PPHLN1: variants seen among roughly 807,000 people sequenced by gnomAD.
PPHLN1 encodes the protein periphilin 1, also known as periphilin-1.
In PPHLN1, 29 loss-of-function variants were observed where a neutral mutation model predicts 51.3. The observed-to-expected ratio is 0.57, with a 90% CI of 0.42 to 0.77. The LOEUF is 0.77. Ranked by LOEUF, PPHLN1 falls within the 30% of genes least tolerant of loss-of-function variation. PPHLN1 has a pLI of 0.00. For missense variants in PPHLN1, 436 were observed against 438.4 expected (o/e 0.99, Z 0.05); for synonymous variants, 147 against 147.8 (o/e 0.99, Z 0.04).
chr12:42,413,512 C>G (rs566021212), intron 9 of PPHLN1, among the ~76,000 whole-genome samples: 4 of 144,660 alleles, frequency 2.8e-5, no homozygotes, highest in Non-Finnish European at 6.1e-5. Flanking sequence ...GTTTTGATAA[C>G]TATATATATG....
Position 42,432,010 on chromosome 12 carries a change from A to G in PPHLN1, c.910-9305A>G, listed in dbSNP as rs1447256753. The G allele has an allele frequency of 4.0e-6, 6 of 1,501,942 alleles. No individual in the cohort carries two copies. The African/African-American group carries it at 4.1e-5, about 10-fold the overall frequency. The allele number at this position is 1,501,942 out of a possible 1,614,324, so 93.0% of individuals were successfully genotyped here. On this transcript the variant is annotated intron_variant, in intron 9 of 9. Transcript: ENST00000358314. ...TGATTCTGATTATCAAGTACGCTGT[A>G]TGGATTGCTGTCTGGATCTTTGGGC...
intron 4 of PPHLN1, among the ~76,000 whole-genome samples, chr12:42,359,864 T>A (rs2074430079): frequency 6.6e-6 from 1 of 151,998 alleles, no homozygotes; most frequent in South Asian, 2.1e-4. Context: ...TCCCAACATT[T>A]TGGGAGGCTG....
intron 4 of PPHLN1, among the ~76,000 whole-genome samples, chr12:42,360,640 G>A (rs192151660): frequency 6.6e-6 from 1 of 151,614 alleles, no homozygotes; most frequent in East Asian, 1.9e-4. Flanking sequence ...GACTACAGGC[G>A]TGTGCCACCA....
chr12:42,439,447 C>G (rs1182896796), intron 9 of PPHLN1, among the ~76,000 whole-genome samples: 2 of 152,206 alleles, frequency 1.3e-5, no homozygotes, highest in African/African-American at 2.4e-5. Flanking sequence ...TCTGTCTGTT[C>G]TTCTGCCAAT....
chr12:42,445,929 G>A (rs2083289381), downstream of PPHLN1: 3 of 1,453,390 alleles, frequency 2.1e-6, no homozygotes, highest in Non-Finnish European at 1.8e-6. Context: ...CAAATGTTTT[G>A]CTAACATGGG....
chr12:42,349,683 G>T (rs1351177374), intron 2 of PPHLN1, among the ~76,000 whole-genome samples: 3 of 152,072 alleles, frequency 2.0e-5, no homozygotes, highest in African/African-American at 2.4e-5. Flanking sequence ...ATTTAACCCT[G>T]AGTTGACACA....
chr12:42,366,129 CAA>C (rs1429399032), intron 4 of PPHLN1, among the ~76,000 whole-genome samples: 1 of 147,832 alleles, frequency 6.8e-6, no homozygotes. Context: ...GATAAAACAA[CAA>C]AAAAATCCTT....
chr12:42,349,091 T>C (rs948099046), intron 2 of PPHLN1, among the ~76,000 whole-genome samples: 2 of 152,342 alleles, frequency 1.3e-5, no homozygotes, highest in Non-Finnish European at 2.9e-5. Context: ...ATTGAGAGAT[T>C]TGAATAGTAT....
chr12:42,377,104 A>G (rs1188901941), intron 5 of PPHLN1, among the ~76,000 whole-genome samples: 1 of 147,804 alleles, frequency 6.8e-6, no homozygotes. Flanking sequence ...CTTTTTTGCG[A>G]TTTTTTTTTT....
At chr12:42,384,906 T>C (rs764177722) in intron 5 of PPHLN1, 34 bp from the exon 6 acceptor site, 80 of 1,555,614 alleles carry the variant, frequency 5.1e-5, no homozygotes, top group Non-Finnish European at 6.9e-5. Flanking sequence ...ACAGAGGTGC[T>C]GCTGTTAATT....
At chr12:42,424,898 G>T (rs548893674) in intron 9 of PPHLN1, among the ~76,000 whole-genome samples, 1 of 151,202 alleles carries the variant, frequency 6.6e-6, no homozygotes, top group Non-Finnish European at 1.5e-5. Flanking sequence ...AAAACAAAAA[G>T]AAAAAAAGCA....
chr12:42,414,326 C>T (rs1212653915), intron 9 of PPHLN1, among the ~76,000 whole-genome samples: 1 of 152,114 alleles, frequency 6.6e-6, no homozygotes, highest in Non-Finnish European at 1.5e-5. Flanking sequence ...TGAGCCACCG[C>T]GGCCGGCGAT....
At chr12:42,431,963 C>A in intron 9 of PPHLN1, 1 of 1,488,046 alleles carries the variant, frequency 6.7e-7, no homozygotes, top group Non-Finnish European at 9.4e-7. Flanking sequence ...GATTTGCTGG[C>A]ATCAGTGTCT....
chr12:42,376,616 C>T lies in PPHLN1; in HGVS notation c.511+1542C>T, dbSNP rs147780979. ...AGCCTGGGCAAACATAGTGAGACCCCTGTCTCTCAAAAAAGAATTTAAAAA... is the reference window on the plus strand; with the variant it reads ...AGCCTGGGCAAACATAGTGAGACCCTTGTCTCTCAAAAAAGAATTTAAAAA... On this transcript the variant is annotated intron_variant, in intron 5 of 9. Coordinates refer to ENST00000358314, the MANE Select transcript of PPHLN1 (RefSeq NM_201439.2). 2.0e-3 allele frequency among the ~76,000 whole-genome samples: 302 copies of T among 152,100 alleles called. 3 individuals are homozygous for T. Among genetic ancestry groups the T allele is most frequent in the African/African-American group, 6.8e-3 (282 of 41,512 alleles).
At chr12:42,375,254 C>A in intron 5 of PPHLN1, 180 bp downstream of exon 5, 16 of 348,128 alleles carry the variant, frequency 4.6e-5, no homozygotes, top group Non-Finnish European at 5.7e-5. Context: ...ACATTTTTTT[C>A]AAACTATTTG....
intron 2 of PPHLN1, among the ~76,000 whole-genome samples, chr12:42,350,821 AGGCAT>A (rs933954341): frequency 2.0e-5 from 3 of 152,130 alleles, no homozygotes; most frequent in African/African-American, 4.8e-5. Flanking sequence ...AAAACCAGTC[AGGCAT>A]GGCGGCGCGC....
chr12:42,440,139 A>G (rs1472016528), intron 9 of PPHLN1, among the ~76,000 whole-genome samples: 3 of 150,008 alleles, frequency 2.0e-5, no homozygotes, highest in Non-Finnish European at 4.4e-5. Context: ...TTTATATTCT[A>G]TTTATTTATA....
chr12:42,340,692 G>A (rs1370692895), intron 2 of PPHLN1, among the ~76,000 whole-genome samples: 3 of 152,186 alleles, frequency 2.0e-5, no homozygotes, highest in Admixed American at 1.3e-4. Context: ...CACAATGAAC[G>A]ATTTTGCTGC....
intron 4 of PPHLN1, among the ~76,000 whole-genome samples, chr12:42,366,699 T>G (rs905861723): frequency 6.6e-6 from 1 of 152,076 alleles, no homozygotes; most frequent in African/African-American, 2.4e-5. Flanking sequence ...GAGTTGGCAT[T>G]TTAAACACAG....
Sources: gnomAD v4.1 joint callset for allele counts (sites outside exome capture counted in the v4.1 genomes callset) on GRCh38, gnomAD v4.1.1 for gene constraint, MANE v1.5 for transcripts, NCBI Gene and HGNC (gene_info 2026-07-23, HGNC 2026-07-21) for gene names.